The following LRP1B variants were observed in gnomAD, a reference collection of about 807,000 sequenced individuals.
The protein encoded by LRP1B is LDL receptor related protein 1B.
A neutral mutation model predicts 556.6 loss-of-function variants in LRP1B; 217 were observed. The observed-to-expected ratio is 0.39, with a 90% confidence interval of 0.35 to 0.44. The LOEUF (loss-of-function observed/expected upper bound fraction) is 0.44. Among genes scored for constraint, LRP1B ranks in the 20% least tolerant of loss-of-function variants. The pLI is 1.00. For missense variants in LRP1B, 5,053 were observed against 5,620.8 expected (o/e 0.90, Z 3.23); for synonymous variants, 2,047 against 1,865.8 (o/e 1.10, Z -2.50).
intron 47 of LRP1B, among the ~76,000 whole-genome samples, chr2:140,532,912 G>C (rs1294632470): frequency 3.5e-5 from 2 of 57,342 alleles, no homozygotes; most frequent in Non-Finnish European, 8.8e-5. Flanking sequence ...GTTCTTACGT[G>C]TGCAATCACA....
chr2:141,683,950 G>A (rs1691194539), intron 2 of LRP1B, among the ~76,000 whole-genome samples: 1 of 151,992 alleles, frequency 6.6e-6, no homozygotes, highest in South Asian at 2.1e-4. Flanking sequence ...AACAGATGTT[G>A]GAGAAGATAT....
chr2:142,077,085 CAT>C (rs1705529103), intron 1 of LRP1B, among the ~76,000 whole-genome samples: 1 of 151,988 alleles, frequency 6.6e-6, no homozygotes, highest in Non-Finnish European at 1.5e-5. Context: ...TTCAGAGTCA[CAT>C]GAGGTTAAGC....
intron 66 of LRP1B, among the ~76,000 whole-genome samples, chr2:140,428,502 C>T (rs137995271): frequency 0.026 from 3,987 of 152,292 alleles, 65 homozygotes; most frequent in African/African-American, 0.049. Flanking sequence ...CGGGACCCCA[C>T]TGAAAATCGG....
intron 1 of LRP1B, among the ~76,000 whole-genome samples, chr2:141,926,222 C>G (rs927200108): frequency 2.6e-5 from 4 of 152,120 alleles, no homozygotes; most frequent in African/African-American, 4.8e-5. Flanking sequence ...TACTACTGAT[C>G]CTTGTTGCGA....
chr2:140,432,251 C>T (rs1308097273), intron 66 of LRP1B, among the ~76,000 whole-genome samples: 1 of 152,118 alleles, frequency 6.6e-6, no homozygotes, highest in African/African-American at 2.4e-5. Context: ...TGTAATTTTC[C>T]TTTACCTACC....
chr2:141,036,477 G>A (rs1326553303), intron 11 of LRP1B, among the ~76,000 whole-genome samples: 1 of 152,068 alleles, frequency 6.6e-6, no homozygotes, highest in African/African-American at 2.4e-5. Flanking sequence ...GGAAGAGAAA[G>A]AAGACCTTCC....
At chr2:141,385,481 A>G (rs376611304) in intron 3 of LRP1B, among the ~76,000 whole-genome samples, 29 of 152,310 alleles carry the variant, frequency 1.9e-4, no homozygotes, top group African/African-American at 6.3e-4. Context: ...CTTATACTGC[A>G]GAAAAAGTGC....
intron 2 of LRP1B, among the ~76,000 whole-genome samples, chr2:141,500,232 C>G (rs1007848666): frequency 6.6e-6 from 1 of 152,078 alleles, no homozygotes; most frequent in Admixed American, 6.6e-5. Context: ...CACAATTTAC[C>G]ATCCCTGTAA....
chr2:140,851,240 A>G (rs1692447408), intron 28 of LRP1B, among the ~76,000 whole-genome samples: 1 of 152,100 alleles, frequency 6.6e-6, no homozygotes, highest in Non-Finnish European at 1.5e-5. Context: ...ATAATCCTGT[A>G]CCAAATGATG....
At chr2:141,212,352 C>T (rs925821743) in intron 6 of LRP1B, among the ~76,000 whole-genome samples, 4 of 137,412 alleles carry the variant, frequency 2.9e-5, no homozygotes. Flanking sequence ...CATCTCGGCT[C>T]ACTGCAAGCT....
intron 3 of LRP1B, among the ~76,000 whole-genome samples, chr2:141,377,054 G>A (rs367724882): frequency 2.0e-5 from 3 of 152,064 alleles, no homozygotes; most frequent in Non-Finnish European, 2.9e-5. Flanking sequence ...AAAGGAAGGC[G>A]GGTGTTTCTA....
At chr2:140,612,342 T>TA (rs1401562359) in intron 41 of LRP1B, among the ~76,000 whole-genome samples, 1 of 152,284 alleles carries the variant, frequency 6.6e-6, no homozygotes, top group African/African-American at 2.4e-5. Flanking sequence ...TTGAGTTTCT[T>TA]AAATTTATTT....
intron 3 of LRP1B, among the ~76,000 whole-genome samples, chr2:141,473,233 A>G (rs1224513244): frequency 1.3e-5 from 2 of 152,212 alleles, no homozygotes; most frequent in East Asian, 1.9e-4. Flanking sequence ...GAACATACAT[A>G]CATACATATG....
intron 41 of LRP1B, among the ~76,000 whole-genome samples, chr2:140,666,547 A>T (rs938113639): frequency 5.3e-5 from 8 of 152,190 alleles, no homozygotes; most frequent in Non-Finnish European, 1.5e-5. Context: ...CTTTGTTATT[A>T]CTTGAATAAA....
chr2:141,384,359 T>G (rs531986006), intron 3 of LRP1B, among the ~76,000 whole-genome samples: 8 of 152,300 alleles, frequency 5.3e-5, no homozygotes, highest in African/African-American at 1.9e-4. Flanking sequence ...TCTAGTATTA[T>G]TGCATTTTTA....
At chr2:142,101,908 C>T (rs1274911839) in intron 1 of LRP1B, among the ~76,000 whole-genome samples, 2 of 151,938 alleles carry the variant, frequency 1.3e-5, no homozygotes, top group Non-Finnish European at 2.9e-5. Context: ...ATTACTTGAA[C>T]AAGCTTTTAG....
chr2:141,022,868 T>C (rs1698104950), intron 11 of LRP1B, among the ~76,000 whole-genome samples: 1 of 151,944 alleles, frequency 6.6e-6, no homozygotes. Context: ...TTTTCTACTA[T>C]TTATTATTAT....
intron 1 of LRP1B, among the ~76,000 whole-genome samples, chr2:141,904,247 A>G (rs1558951219): frequency 6.6e-6 from 1 of 151,874 alleles, no homozygotes; most frequent in African/African-American, 2.4e-5. Context: ...TATGTAGTCC[A>G]GGCTGGGTAC....
rs539364613 is a variant in LRP1B at position 141,464,838 on chromosome 2, T to C, written c.343+15558A>G. ...GCTTTCTTAATTGAGATCTCACTGATAGGGATTTATTTGGGGGTGTAAAAA... is the reference window on the plus strand; with the variant it reads ...GCTTTCTTAATTGAGATCTCACTGACAGGGATTTATTTGGGGGTGTAAAAA... On this transcript the variant is annotated intron_variant, in intron 3 of 90. Coordinates refer to ENST00000389484, the MANE Select transcript of LRP1B (RefSeq NM_018557.3). Among the ~76,000 whole-genome samples, 18 of 151,874 alleles carry C rather than the reference T, an allele frequency of 1.2e-4. No homozygotes were observed. In the East Asian group the frequency reaches 3.5e-3, roughly 29 times the overall value.
Sources: gnomAD v4.1 joint callset for allele counts (sites outside exome capture counted in the v4.1 genomes callset) on GRCh38, gnomAD v4.1.1 for gene constraint, MANE v1.5 for transcripts, NCBI Gene and HGNC (gene_info 2026-07-23, HGNC 2026-07-21) for gene names.